MYPN: variants seen among roughly 807,000 people sequenced by gnomAD.
MYPN encodes sarcomeric protein myopalladin, 145 kDa (MYOP).
A neutral mutation model predicts 129.4 loss-of-function variants in MYPN; 63 were observed. The observed-to-expected ratio is 0.49, with a 90% CI of 0.40 to 0.60. The LOEUF (loss-of-function observed/expected upper bound fraction) is 0.60, where lower values mean the gene tolerates loss of function less well. MYPN is among the 20% of genes least tolerant of loss of function. The pLI is 0.00. For synonymous variants in MYPN, 629 were observed against 600.9 expected, an observed-to-expected ratio of 1.05 and a Z score of -0.68; for missense variants, 1,596 against 1,635.4, an observed-to-expected ratio of 0.98 and a Z score of 0.42.
chr10:68,194,486 TAC>T lies in MYPN; in HGVS notation c.3052_3053del (p.Thr1018HisfsTer68). ...CACTACCAGTGATGACGATGGCAAC[TAC>T]ACCATCATGGCAGCCAACCCCCAGG... Reference protein sequence around the residue: ...ESTTSDDDGNYTIMAANPQGR... With the variant: ...ESTTSDDDGNXTIMAANPQGR... On this transcript the variant is annotated frameshift_variant, in exon 14 of 20. Transcript: ENST00000358913. LOFTEE classifies it high-confidence loss of function. 6.2e-7 allele frequency: 1 copy of T among 1,613,854 alleles called. No homozygotes were observed. Among genetic ancestry groups the T allele is most frequent in the East Asian group, 2.2e-5 (1 of 44,852 alleles).
At chr10:68,185,580 A>G (rs2043407818) in intron 12 of MYPN, among the ~76,000 whole-genome samples, 1 of 152,164 alleles carries the variant, frequency 6.6e-6, no homozygotes, top group Admixed American at 6.5e-5. Flanking sequence ...AATGGAGAAC[A>G]GCCACCCTCA....
intron 10 of MYPN, among the ~76,000 whole-genome samples, chr10:68,173,558 T>C (rs932590689): frequency 2.6e-5 from 4 of 151,822 alleles, no homozygotes; most frequent in African/African-American, 9.7e-5. Flanking sequence ...GTGTGTTCTT[T>C]ATCAACATCA....
intron 1 of MYPN, among the ~76,000 whole-genome samples, chr10:68,116,263 A>C (rs2042155275): frequency 1.4e-5 from 2 of 144,674 alleles, no homozygotes; most frequent in African/African-American, 5.4e-5. Flanking sequence ...TTAAAATAGA[A>C]AGTTTTTAAA....
chr10:68,160,663 T>A (rs1199329394), intron 7 of MYPN, among the ~76,000 whole-genome samples: 1 of 152,106 alleles, frequency 6.6e-6, no homozygotes, highest in African/African-American at 2.4e-5. Flanking sequence ...TGCCTTTTAA[T>A]CCCAGCACTT....
intron 5 of MYPN, 21 bp from the exon 6 acceptor site, chr10:68,150,019 C>T (rs749056290): frequency 1.2e-6 from 2 of 1,601,912 alleles, no homozygotes; most frequent in East Asian, 4.5e-5. Flanking sequence ...AATGAATTTA[C>T]TGTTGCTTCC....
intron 17 of MYPN, among the ~76,000 whole-genome samples, chr10:68,201,550 T>G (rs1489542970): frequency 6.6e-6 from 1 of 151,762 alleles, no homozygotes; most frequent in Non-Finnish European, 1.5e-5. Flanking sequence ...GTGGGTCACC[T>G]GAGGCCAGGA....
At chr10:68,163,745 C>T (rs1233211632) in intron 8 of MYPN, among the ~76,000 whole-genome samples, 1 of 152,138 alleles carries the variant, frequency 6.6e-6, no homozygotes, top group Non-Finnish European at 1.5e-5. Flanking sequence ...TCTATAGGAA[C>T]AAGGGGATGC....
At chr10:68,193,797 G>GCACACACACACACA (rs368376657) in intron 13 of MYPN, among the ~76,000 whole-genome samples, 7 of 127,604 alleles carry the variant, frequency 5.5e-5, no homozygotes, top group East Asian at 2.2e-4. Context: ...ATGTGTATGT[G>GCACACACACACACA]CACACACACA....
chr10:68,188,920 A>G lies in MYPN; in HGVS notation c.2719A>G (p.Ser907Gly). 6.2e-7 allele frequency: 1 copy of G among 1,613,890 alleles called. No individual in the cohort carries two copies. Among genetic ancestry groups the G allele is most frequent in the Non-Finnish European group, 8.5e-7 (1 of 1,179,912 alleles). ...ATTTTGACAGGAGTACAAAATTTCA[A>G]GCTTTGAGCAGAGGCTGATGAATGA... ...RPNQQEYKIS[S>G]FEQRLMNEIE... Residue 907 changes from serine to glycine, a missense_variant, in exon 13 of 20, where the codon AGC becomes GGC. Physicochemically the swap from Ser to Gly is moderately conservative, Grantham distance 56. Coordinates refer to ENST00000358913, the MANE Select transcript of MYPN (RefSeq NM_032578.4).
intron 13 of MYPN, 69 bp downstream of exon 13, chr10:68,189,195 C>A: frequency 8.9e-7 from 1 of 1,123,468 alleles, no homozygotes; most frequent in East Asian, 2.3e-5. Context: ...TCAAGAAGGT[C>A]TTTAAAAAAT....
intron 12 of MYPN, among the ~76,000 whole-genome samples, chr10:68,182,004 C>G (rs1044960423): frequency 6.6e-6 from 1 of 151,986 alleles, no homozygotes; most frequent in Non-Finnish European, 1.5e-5. Flanking sequence ...GCTGGGTCTT[C>G]TCCCTCCTGA....
intron 18 of MYPN, among the ~76,000 whole-genome samples, chr10:68,203,580 C>T (rs1331992085): frequency 6.6e-6 from 1 of 152,012 alleles, no homozygotes; most frequent in Non-Finnish European, 1.5e-5. Context: ...AAGCAAAACC[C>T]AGTCTCAAAA....
intron 12 of MYPN, among the ~76,000 whole-genome samples, chr10:68,181,782 A>G (rs1048102153): frequency 2.0e-5 from 3 of 151,956 alleles, no homozygotes; most frequent in Non-Finnish European, 4.4e-5. Context: ...CACTCTTTAG[A>G]TTTCTCAGGC....
At chr10:68,116,710 T>C (rs1295355180) in intron 1 of MYPN, among the ~76,000 whole-genome samples, 2 of 151,806 alleles carry the variant, frequency 1.3e-5, no homozygotes, top group Non-Finnish European at 2.9e-5. Context: ...CACTTCAGTC[T>C]GGGCTATAAG....
At chr10:68,182,513 AT>A (rs199889782) in intron 12 of MYPN, among the ~76,000 whole-genome samples, 16,709 of 131,212 alleles carry the variant, frequency 0.13, 1,802 homozygotes, top group Middle Eastern at 0.25. Context: ...TATATATGGC[AT>A]TTTTTTTTTT....
At chr10:68,149,399 A>G (rs916874429) in intron 5 of MYPN, among the ~76,000 whole-genome samples, 1 of 152,360 alleles carries the variant, frequency 6.6e-6, no homozygotes, top group South Asian at 2.1e-4. Flanking sequence ...ATGAAGTCAT[A>G]CTATCTAAAT....
chr10:68,144,778 T>C (rs1219802483), intron 3 of MYPN, among the ~76,000 whole-genome samples: 3 of 152,160 alleles, frequency 2.0e-5, no homozygotes, highest in African/African-American at 2.4e-5. Flanking sequence ...AATCCCTTCT[T>C]GTATTCAATC....
chr10:68,197,172 C>T (rs1231266197), intron 15 of MYPN, among the ~76,000 whole-genome samples, 180 bp from the exon 16 acceptor site: 5 of 152,026 alleles, frequency 3.3e-5, no homozygotes, highest in Non-Finnish European at 7.4e-5. Context: ...GAGATACTTA[C>T]CACTTTGTGT....
chr10:68,127,969 A>G (rs1185155322), intron 2 of MYPN, among the ~76,000 whole-genome samples: 4 of 152,180 alleles, frequency 2.6e-5, no homozygotes, highest in African/African-American at 9.6e-5. Flanking sequence ...TGTTTTGCCC[A>G]TGTTCTTGTA....
Sources: allele counts gnomAD v4.1 joint callset (sites outside exome capture counted in the v4.1 genomes callset), GRCh38; gene constraint gnomAD v4.1.1; transcripts MANE v1.5; gene names NCBI Gene and HGNC (gene_info 2026-07-23, HGNC 2026-07-21).